NCAPD3: variants seen among roughly 807,000 people sequenced by gnomAD.
NCAPD3 encodes the protein condensin-2 complex subunit D3.
Under a neutral mutation model 182.9 loss-of-function variants are expected in NCAPD3, and 105 were observed. The observed-to-expected ratio is 0.57, with a 90% confidence interval of 0.49 to 0.68. The LOEUF is 0.68. Among genes scored for constraint, NCAPD3 ranks in the 30% least tolerant of loss-of-function variants. NCAPD3 has a pLI of 0.00. For synonymous variants in NCAPD3, 815 were observed against 679.9 expected, an observed-to-expected ratio of 1.20 and a Z score of -3.09; for missense variants, 1,944 against 1,837.0, an observed-to-expected ratio of 1.06 and a Z score of -1.07.
chr11:134,218,110 A>AGGGGGGG (rs5795873), intron 2 of NCAPD3, among the ~76,000 whole-genome samples: 10 of 59,538 alleles, frequency 1.7e-4, no homozygotes, highest in Non-Finnish European at 2.2e-4. Flanking sequence ...AAAAAAAAAA[A>AGGGGGGG]GGGGGGGGGG....
intron 28 of NCAPD3, among the ~76,000 whole-genome samples, chr11:134,160,955 T>C (rs1240073185): frequency 1.3e-5 from 2 of 151,974 alleles, no homozygotes; most frequent in African/African-American, 4.8e-5. Context: ...TTGTTTTTTT[T>C]TTTCCTTTCT....
chr11:134,204,814 T>C lies in NCAPD3; in HGVS notation c.1089+85A>G. ...ATGCACACTCATTCCCAAGAACAAA[T>C]ACCCACACTCACACACACACACACA... On this transcript the variant is annotated intron_variant, in intron 9 of 34. Transcript: ENST00000534548. This position sits in a 1 kb window ranked among gnomAD's most constrained non-coding sequence, Gnocchi z 4.3. 1 of 1,114,938 alleles carries C rather than the reference T, an allele frequency of 9.0e-7. No homozygotes were observed. The highest frequency in any genetic ancestry group is 1.3e-6 in the Non-Finnish European group (1 of 762,250). The allele number at this position is 1,114,938 out of a possible 1,614,324, so 69.1% of individuals were successfully genotyped here.
At chr11:134,173,723 C>G (rs1256265587) in intron 24 of NCAPD3, 1 of 153,028 alleles carries the variant, frequency 6.5e-6, no homozygotes. Context: ...CCACCCCGCA[C>G]AGAGACCCCA....
chr11:134,225,091 C>T (rs767521999), upstream of NCAPD3: 7 of 1,570,772 alleles, frequency 4.5e-6, no homozygotes, highest in Non-Finnish European at 6.1e-6. Context: ...AGGGAGCGGT[C>T]CTTACCGAGA....
intron 2 of NCAPD3, among the ~76,000 whole-genome samples, chr11:134,219,120 T>C (rs1026262639): frequency 1.3e-5 from 2 of 152,202 alleles, no homozygotes; most frequent in African/African-American, 4.8e-5. Context: ...ACTTTTTCTG[T>C]ATGCCTCTTG....
At chr11:134,167,215 C>G (rs1943857951) in intron 27 of NCAPD3, among the ~76,000 whole-genome samples, 1 of 112,370 alleles carries the variant, frequency 8.9e-6, no homozygotes, top group South Asian at 3.3e-4. Flanking sequence ...GAGCAGCACA[C>G]TCGTGAGATG....
At chr11:134,215,543 T>A (rs1937981859) in intron 3 of NCAPD3, among the ~76,000 whole-genome samples, 1 of 152,094 alleles carries the variant, frequency 6.6e-6, no homozygotes, top group Non-Finnish European at 1.5e-5. Context: ...ACAATTTCAT[T>A]TACACTAGCA....
intron 2 of NCAPD3, among the ~76,000 whole-genome samples, chr11:134,219,533 C>G (rs1938151868): frequency 6.6e-6 from 1 of 152,104 alleles, no homozygotes; most frequent in Non-Finnish European, 1.5e-5. Flanking sequence ...TAGTGTTATG[C>G]TGAAGGAATG....
In NCAPD3 at chr11:134,203,249, GTAAT is replaced by G. The variant is rs762866213; in HGVS notation, c.1469-55_1469-52del. The G allele has an allele frequency of 3.9e-6, 5 of 1,272,792 alleles. No individual in the cohort carries two copies. In the African/African-American group the frequency reaches 5.9e-5, roughly 15 times the overall value. The allele number at this position is 1,272,792 out of a possible 1,614,324, so 78.8% of individuals were successfully genotyped here. On this transcript the variant is annotated intron_variant, in intron 11 of 34. Transcript: ENST00000534548. ...GGAAGAAGTCAGTATCATAAACTGA[GTAAT>G]TATCCACGGAGGAATCAAAATCAAG...
intron 3 of NCAPD3, among the ~76,000 whole-genome samples, chr11:134,213,336 T>C (rs1187709424): frequency 6.6e-6 from 1 of 151,680 alleles, no homozygotes; most frequent in Admixed American, 6.6e-5. Context: ...TCTTTTTTTT[T>C]TCTGAGACAG....
At position 134,203,436 on chromosome 11, in the gene NCAPD3, T is replaced by C. The variant is rs141435250; in HGVS notation, c.1468+218A>G. Among the ~76,000 whole-genome samples the C allele has an allele frequency of 4.2e-3, 637 of 152,322 alleles. 4 individuals are homozygous for C. Among genetic ancestry groups the C allele is most frequent in the African/African-American group, 0.015 (610 of 41,570 alleles). On this transcript the variant is annotated intron_variant, in intron 11 of 34. Coordinates refer to ENST00000534548, the MANE Select transcript of NCAPD3 (RefSeq NM_015261.3). ...GTAGCCACCAATGTCACCTCTCAGA[T>C]ATGAACATCTGAAATACTTTTAAAA... is the stretch of plus-strand genomic sequence containing the variant.
chr11:134,176,486 C>T, intron 23 of NCAPD3, 100 bp from the exon 24 acceptor site: 1 of 955,724 alleles, frequency 1.0e-6, no homozygotes, highest in East Asian at 2.4e-5. Flanking sequence ...GTCCCCGGCA[C>T]ACTGGCTGAG....
intron 29 of NCAPD3, among the ~76,000 whole-genome samples, chr11:134,159,154 T>A (rs1943509724): frequency 6.6e-6 from 1 of 152,234 alleles, no homozygotes; most frequent in South Asian, 2.1e-4. Context: ...ACATCCTGAT[T>A]TCCTTTCTTT....
rs1279242876 is a variant in NCAPD3 at position 134,161,677 on chromosome 11, G to T, written c.3684+104C>A. 10 of 720,714 alleles carry T rather than the reference G, an allele frequency of 1.4e-5. No homozygotes were observed. The Admixed American group carries it at 2.6e-4, about 19-fold the overall frequency. 44.6% of individuals were successfully genotyped at this position (720,714 alleles called of 1,614,324 possible). A position where few individuals can be genotyped will look rare whatever the true frequency, so the allele number is the denominator to read the frequency against. On this transcript the variant is annotated intron_variant, in intron 28 of 34. Coordinates refer to ENST00000534548, the MANE Select transcript of NCAPD3 (RefSeq NM_015261.3). ...GTAATGTTGGGTTTGCAGAATTTGGGGTTCTAATCATTCACGGATTGCCTG... is the reference window on the plus strand; with the variant it reads ...GTAATGTTGGGTTTGCAGAATTTGGTGTTCTAATCATTCACGGATTGCCTG...
At chr11:134,156,335 C>T (rs796619305) in intron 32 of NCAPD3, among the ~76,000 whole-genome samples, 1 of 152,308 alleles carries the variant, frequency 6.6e-6, no homozygotes, top group African/African-American at 2.4e-5. Context: ...GAGGGGCACA[C>T]AGGGACACGG....
intron 13 of NCAPD3, among the ~76,000 whole-genome samples, chr11:134,195,767 G>C (rs1043207185): frequency 1.3e-5 from 2 of 151,898 alleles, no homozygotes; most frequent in African/African-American, 4.8e-5. Context: ...AAAATGTCTG[G>C]CTTAATATAA....
At chr11:134,153,109 TC>T in intron 34 of NCAPD3, 30 bp downstream of exon 34, 1 of 1,612,940 alleles carries the variant, frequency 6.2e-7, no homozygotes. Context: ...GACAGAAACA[TC>T]CACCTCAAAA....
At chr11:134,225,200 G>A (rs748498512), upstream of NCAPD3, 4 of 1,614,156 alleles carry the variant, frequency 2.5e-6, no homozygotes, top group Non-Finnish European at 2.5e-6. Context: ...AGCGGGCCGA[G>A]CACAAGACGG....
intron 13 of NCAPD3, among the ~76,000 whole-genome samples, chr11:134,195,183 C>G (rs1422304788): frequency 6.6e-5 from 10 of 152,212 alleles, no homozygotes; most frequent in African/African-American, 2.4e-4. Flanking sequence ...TCACCGCAAT[C>G]TCAAATTCCT....
Sources: allele counts gnomAD v4.1 joint callset (sites outside exome capture counted in the v4.1 genomes callset), GRCh38; gene constraint gnomAD v4.1.1; non-coding constraint Gnocchi (gnomAD v3.1); transcripts MANE v1.5; gene names NCBI Gene and HGNC (gene_info 2026-07-23, HGNC 2026-07-21).